STK33: variants seen among roughly 807,000 people sequenced by gnomAD.
STK33 encodes the protein serine/threonine-protein kinase 33.
STK33 carries 52 observed loss-of-function variants against 58.0 expected under a neutral mutation model. The observed-to-expected ratio is 0.90, with a 90% CI of 0.72 to 1.13. STK33 has a LOEUF of 1.13. STK33 is among the 50% of genes most tolerant of loss of function. The pLI, the probability that STK33 is intolerant of heterozygous loss-of-function variation, is 0.00. For missense variants in STK33, 630 were observed against 604.2 expected, an observed-to-expected ratio of 1.04 and a Z score of -0.45; for synonymous variants, 215 against 200.1, an observed-to-expected ratio of 1.07 and a Z score of -0.63.
intron 15 of STK33, among the ~76,000 whole-genome samples, chr11:8,409,194 C>T (rs148331961): frequency 2.9e-4 from 44 of 152,302 alleles, no homozygotes; most frequent in African/African-American, 1.1e-3. Context: ...TATCTTGTAA[C>T]AGCAAGTATT....
the STK33 span, among the ~76,000 whole-genome samples, chr11:8,357,694 G>A: frequency 1.8e-4 from 28 of 152,230 alleles, no homozygotes; most frequent in African/African-American, 5.1e-4. Context: ...CTAGGAGAAG[G>A]CTGGGGAAGA....
intron 15 of STK33, among the ~76,000 whole-genome samples, chr11:8,399,944 C>A (rs1457436913): frequency 6.6e-6 from 1 of 152,098 alleles, no homozygotes; most frequent in Non-Finnish European, 1.5e-5. Context: ...CTCAATAGAC[C>A]AATAACAGGC....
chr11:8,400,994 C>T (rs371456220), intron 15 of STK33, among the ~76,000 whole-genome samples: 4,842 of 152,154 alleles, frequency 0.032, 124 homozygotes, highest in Non-Finnish European at 0.048. Context: ...GAAGAACATT[C>T]CATGCTCATG....
chr11:8,572,269 C>T (rs1409298091), intron 1 of STK33, among the ~76,000 whole-genome samples: 2 of 151,928 alleles, frequency 1.3e-5, no homozygotes, highest in Non-Finnish European at 2.9e-5. Flanking sequence ...ATCTTGACAA[C>T]AGAGATAAAT....
intron 6 of STK33, among the ~76,000 whole-genome samples, chr11:8,470,452 A>G (rs1039782683): frequency 6.6e-6 from 1 of 152,196 alleles, no homozygotes; most frequent in Admixed American, 6.5e-5. Context: ...AACTTTCTCC[A>G]TATCAGCAAT....
chr11:8,547,131 T>C (rs1955983608), intron 1 of STK33, among the ~76,000 whole-genome samples: 1 of 152,350 alleles, frequency 6.6e-6, no homozygotes, highest in Admixed American at 6.5e-5. Flanking sequence ...TATCACATTG[T>C]TGTTTTGATT....
intron 1 of STK33, among the ~76,000 whole-genome samples, chr11:8,584,037 T>C (rs1226934731): frequency 3.3e-5 from 5 of 150,490 alleles, no homozygotes; most frequent in African/African-American, 1.2e-4. Context: ...AGGATCCAGA[T>C]CTAATCAGTA....
At chr11:8,440,627 T>C (rs1387940923) in intron 12 of STK33, 51 bp downstream of exon 12, 2 of 1,436,228 alleles carry the variant, frequency 1.4e-6, no homozygotes, top group Non-Finnish European at 1.9e-6. Flanking sequence ...ATCACTCTAC[T>C]GTTAGAAACT....
chr11:8,564,446 CTAGGT>C (rs1418585495), intron 1 of STK33, among the ~76,000 whole-genome samples: 1 of 152,126 alleles, frequency 6.6e-6, no homozygotes, highest in African/African-American at 2.4e-5. Context: ...CTTTATACTG[CTAGGT>C]TAAGAATTCT....
rs777439980 is a variant in STK33 at position 8,464,684 on chromosome 11, G to C, written c.453+25C>G. 3.9e-6 allele frequency: 6 copies of C among 1,540,240 alleles called. No homozygotes were observed. The South Asian group carries it at 6.7e-5, about 17-fold the overall frequency. On this transcript the variant is annotated intron_variant, in intron 7 of 15. Transcript: ENST00000687296. ...ACCCTGCACTAACACTGTGCCCTCA[G>C]TAGGATGCTGCTAATGAGCCTTACC...
At chr11:8,355,042 G>A in the STK33 span, among the ~76,000 whole-genome samples, 4 of 152,364 alleles carry the variant, frequency 2.6e-5, no homozygotes, top group South Asian at 2.1e-4. Context: ...GGGGAACGAC[G>A]GGTTCAAGCA....
At chr11:8,427,021 G>C (rs544991714) in intron 14 of STK33, among the ~76,000 whole-genome samples, 4 of 152,132 alleles carry the variant, frequency 2.6e-5, no homozygotes, top group Admixed American at 2.6e-4. Flanking sequence ...CTTTGGTTTT[G>C]TGTTTTGTTT....
At chr11:8,429,377 C>T (rs904571360) in intron 14 of STK33, among the ~76,000 whole-genome samples, 6 of 152,198 alleles carry the variant, frequency 3.9e-5, no homozygotes, top group Admixed American at 3.9e-4. Flanking sequence ...AAAAACACTT[C>T]ATTCTTGTTC....
At chr11:8,586,822 TAAAAAAAA>T (rs56064924) in intron 1 of STK33, among the ~76,000 whole-genome samples, 3 of 78,218 alleles carry the variant, frequency 3.8e-5, no homozygotes, top group African/African-American at 1.0e-4. Flanking sequence ...AGACTCTGTC[TAAAAAAAA>T]AAAAAAAAAA....
chr11:8,350,171 CTGTGG>C, the STK33 span, among the ~76,000 whole-genome samples: 1 of 152,238 alleles, frequency 6.6e-6, no homozygotes, highest in Non-Finnish European at 1.5e-5. Context: ...ATCGGTGGCT[CTGTGG>C]TGGCAGACGA....
intron 2 of STK33, among the ~76,000 whole-genome samples, chr11:8,477,864 T>C (rs1256914800): frequency 6.6e-6 from 1 of 152,098 alleles, no homozygotes; most frequent in Non-Finnish European, 1.5e-5. Flanking sequence ...AAGCATAGGA[T>C]TTCTTTCTAT....
chr11:8,474,257 T>C (rs1449012398), intron 5 of STK33, among the ~76,000 whole-genome samples: 3 of 152,194 alleles, frequency 2.0e-5, no homozygotes, highest in Non-Finnish European at 4.4e-5. Context: ...AAACTGATTT[T>C]GTAAAGTATA....
chr11:8,456,198 A>G (rs1243816889), intron 9 of STK33, among the ~76,000 whole-genome samples: 1 of 152,238 alleles, frequency 6.6e-6, no homozygotes, highest in Non-Finnish European at 1.5e-5. Flanking sequence ...ATAGCATAAT[A>G]TTAAGCCCTT....
chr11:8,366,344 C>T, the STK33 span, among the ~76,000 whole-genome samples: 1 of 152,226 alleles, frequency 6.6e-6, no homozygotes, highest in Non-Finnish European at 1.5e-5. Flanking sequence ...ACTTCTTGGT[C>T]TCAGTCTCAC....
Sources: allele counts gnomAD v4.1 joint callset (sites outside exome capture counted in the v4.1 genomes callset), GRCh38; gene constraint gnomAD v4.1.1; transcripts MANE v1.5; gene names NCBI Gene and HGNC (gene_info 2026-07-23, HGNC 2026-07-21).